HMG20A: variants seen among roughly 807,000 people sequenced by gnomAD.
The protein encoded by HMG20A is high mobility group 20A, also known as high mobility group protein 20A.
A neutral mutation model predicts 43.9 loss-of-function variants in HMG20A; 17 were observed. That is an observed-to-expected ratio of 0.39 (90% CI 0.27 to 0.58). The LOEUF is 0.58. HMG20A is among the 20% of genes least tolerant of loss of function. The probability of loss-of-function intolerance (pLI) is 0.59; values close to 1 mark genes in which losing one functional copy is unlikely to be tolerated. For missense variants in HMG20A, 341 were observed against 438.2 expected, an observed-to-expected ratio of 0.78 and a Z score of 1.98; for synonymous variants, 132 against 147.5, an observed-to-expected ratio of 0.89 and a Z score of 0.76.
intron 6 of HMG20A, among the ~76,000 whole-genome samples, chr15:77,476,956 T>G (rs573838416): frequency 6.6e-6 from 1 of 152,350 alleles, no homozygotes; most frequent in Admixed American, 6.5e-5. Flanking sequence ...TATTTCTGAT[T>G]TCTCGGTCTC....
chr15:77,471,015 C>T lies in HMG20A; in HGVS notation c.556C>T (p.Arg186Cys), dbSNP rs1473677059. 2 of 1,611,698 alleles carry T rather than the reference C, an allele frequency of 1.2e-6. No homozygotes were observed. The highest frequency in any genetic ancestry group is 1.7e-6 in the Non-Finnish European group (2 of 1,179,240). ...YKVFSRKTQD[R>C]QKGKSHRQDA... ...GGTCTTCAGTAGGAAAACCCAGGAC[C>T]GTCAGAAAGGCAAATCTCATAGGCA... Residue 186 changes from arginine to cysteine, a missense_variant, in exon 5 of 10, where the codon CGT becomes TGT. By Grantham distance (180) the Arg-to-Cys change is radical. This residue lies in a region of HMG20A where 220 missense variants were observed against 263.6 expected (regional missense o/e 0.83). Transcript: ENST00000336216.
chr15:77,449,939 G>T (rs1247262519), intron 1 of HMG20A, among the ~76,000 whole-genome samples: 2 of 151,582 alleles, frequency 1.3e-5, no homozygotes, highest in African/African-American at 4.9e-5. Context: ...AAAATGCCGT[G>T]TTCCACCTAT....
At chr15:77,475,494 A>T (rs1231722452) in intron 6 of HMG20A, among the ~76,000 whole-genome samples, 1 of 152,204 alleles carries the variant, frequency 6.6e-6, no homozygotes, top group East Asian at 1.9e-4. Context: ...GAGGAGAGGG[A>T]TCTTTGTACC....
At chr15:77,443,086 G>T (rs2142297320) in intron 1 of HMG20A, among the ~76,000 whole-genome samples, 1 of 140,754 alleles carries the variant, frequency 7.1e-6, no homozygotes, top group Non-Finnish European at 1.5e-5. Context: ...AGGCTGGAGT[G>T]CAGTGGTGTG....
the HMG20A span, among the ~76,000 whole-genome samples, chr15:77,496,441 A>G: frequency 6.6e-6 from 1 of 152,254 alleles, no homozygotes; most frequent in African/African-American, 2.4e-5. Context: ...GCCCTCCTCC[A>G]TCCAGTTTCT....
intron 1 of HMG20A, among the ~76,000 whole-genome samples, chr15:77,424,908 G>T (rs865859176): frequency 2.0e-5 from 3 of 151,932 alleles, no homozygotes; most frequent in African/African-American, 2.4e-5. Context: ...TTCACACTAT[G>T]ATCATACCTC....
intron 1 of HMG20A, among the ~76,000 whole-genome samples, chr15:77,447,001 C>G (rs1478278879): frequency 2.6e-5 from 4 of 152,126 alleles, no homozygotes; most frequent in Non-Finnish European, 5.9e-5. Flanking sequence ...CCAGCATTCC[C>G]CATCCCAGCT....
At chr15:77,461,280 A>G (rs890574374) in intron 2 of HMG20A, among the ~76,000 whole-genome samples, 2 of 152,206 alleles carry the variant, frequency 1.3e-5, no homozygotes, top group Non-Finnish European at 2.9e-5. Flanking sequence ...GGAGAAGTCA[A>G]TAAGTATAAA....
chr15:77,421,870 C>T (rs934097280), intron 1 of HMG20A, among the ~76,000 whole-genome samples: 1 of 152,130 alleles, frequency 6.6e-6, no homozygotes, highest in Admixed American at 6.5e-5. Context: ...ATTACATTTT[C>T]CTCCTTTGTA....
chr15:77,440,524 C>T (rs1351355541), intron 1 of HMG20A, among the ~76,000 whole-genome samples: 1 of 152,116 alleles, frequency 6.6e-6, no homozygotes, highest in East Asian at 1.9e-4. Context: ...AATAAACAAC[C>T]ACAAAATCTC....
chr15:77,446,325 ATAAG>A (rs1406107422), intron 1 of HMG20A, among the ~76,000 whole-genome samples: 6 of 152,150 alleles, frequency 3.9e-5, no homozygotes, highest in Admixed American at 2.0e-4. Context: ...CTGTAAAATA[ATAAG>A]TGTTGTTGGG....
At chr15:77,492,063 G>A in the HMG20A span, among the ~76,000 whole-genome samples, 6 of 152,244 alleles carry the variant, frequency 3.9e-5, no homozygotes, top group South Asian at 1.2e-3. Flanking sequence ...TAAAGTCTAT[G>A]GACCCTTCTA....
In HMG20A at chr15:77,467,274, T is replaced by G; in HGVS notation, c.417T>G (p.Asn139Lys). The G allele has an allele frequency of 1.2e-6, 2 of 1,614,090 alleles. No individual in the cohort carries two copies. Among genetic ancestry groups the G allele is most frequent in the Non-Finnish European group, 1.7e-6 (2 of 1,179,966 alleles). ...PFPEITRMLG[N>K]EWSKLPPEEK... ...CAGAAATCACAAGGATGTTAGGCAA[T>G]GAATGGAGTAAACTGCCTCCTGAGG... The change falls in exon 4 of 10, where the codon AAT (asparagine) becomes AAG (lysine). Residue 139 changes from asparagine (N) to lysine (K), a missense_variant. Coordinates refer to ENST00000336216, the MANE Select transcript of HMG20A (RefSeq NM_001304504.2).
chr15:77,508,937 C>T, the HMG20A span, among the ~76,000 whole-genome samples: 8 of 152,342 alleles, frequency 5.3e-5, no homozygotes, highest in African/African-American at 1.9e-4. Context: ...CTGCCCAACC[C>T]TGCAGGGAGG....
intron 1 of HMG20A, among the ~76,000 whole-genome samples, chr15:77,452,888 C>G (rs1465344188): frequency 6.6e-6 from 1 of 152,154 alleles, no homozygotes; most frequent in East Asian, 1.9e-4. Context: ...AAAAAGAACT[C>G]TTGCAATTTT....
At chr15:77,507,354 A>AC in the HMG20A span, among the ~76,000 whole-genome samples, 1 of 151,354 alleles carries the variant, frequency 6.6e-6, no homozygotes, top group Non-Finnish European at 1.5e-5. Context: ...ATGTACACAC[A>AC]CCCCCCACAC....
chr15:77,439,446 C>T (rs531862860), intron 1 of HMG20A, among the ~76,000 whole-genome samples: 10 of 152,058 alleles, frequency 6.6e-5, no homozygotes, highest in East Asian at 5.8e-4. Context: ...TGTCACTATA[C>T]GGTTGTTTTA....
chr15:77,435,953 C>CT (rs1159016863), intron 1 of HMG20A, among the ~76,000 whole-genome samples: 1 of 152,082 alleles, frequency 6.6e-6, no homozygotes, highest in African/African-American at 2.4e-5. Flanking sequence ...ATTCTAACTC[C>CT]TTTTAACCTA....
At chr15:77,475,109 A>T (rs1188718177) in intron 6 of HMG20A, among the ~76,000 whole-genome samples, 1 of 152,096 alleles carries the variant, frequency 6.6e-6, no homozygotes, top group Admixed American at 6.6e-5. Context: ...AACAAATTAG[A>T]CCCTTTCAGT....
Sources: allele counts gnomAD v4.1 joint callset (sites outside exome capture counted in the v4.1 genomes callset), GRCh38; gene constraint gnomAD v4.1.1; regional missense constraint gnomAD v4.1.1; transcripts MANE v1.5; gene names NCBI Gene and HGNC (gene_info 2026-07-23, HGNC 2026-07-21).